Variants in MYO18A observed in about 807,000 individuals in gnomAD.
MYO18A encodes myosin XVIIIA.
In MYO18A, 78 loss-of-function variants were observed where a neutral mutation model predicts 235.8. The observed-to-expected ratio is 0.33, with a 90% CI of 0.28 to 0.40. MYO18A has a LOEUF of 0.40. Among genes scored for constraint, MYO18A ranks in the 10% least tolerant of loss-of-function variants. The pLI, the probability that MYO18A is intolerant of heterozygous loss-of-function variation, is 1.00. For synonymous variants in MYO18A, 977 were observed against 1,077.8 expected (o/e 0.91, Z 1.83); for missense variants, 2,215 against 2,699.3 (o/e 0.82, Z 3.98).
rs781512217 is a variant in MYO18A at position 29,115,865 on chromosome 17, G to A, written c.2051-25C>T. On this transcript the variant is annotated intron_variant, in intron 11 of 41. Coordinates refer to ENST00000527372, the MANE Select transcript of MYO18A (RefSeq NM_078471.4). ...GCTGTGGAGTGGAAAAAGGGATCTG[G>A]CATCCTGGGTCTTTTTCCTTAGGCC... 3.8e-6 allele frequency: 6 copies of A among 1,559,786 alleles called. No homozygotes were observed. The South Asian group carries it at 7.1e-5, about 18-fold the overall frequency.
In MYO18A at chr17:29,121,504, G is replaced by A; in HGVS notation, c.1371+43C>T. The A allele has an allele frequency of 6.5e-7, 1 of 1,542,982 alleles. No homozygotes were observed. Among genetic ancestry groups the A allele is most frequent in the Non-Finnish European group, 8.8e-7 (1 of 1,142,454 alleles). On this transcript the variant is annotated intron_variant, in intron 5 of 41. Coordinates refer to ENST00000527372, the MANE Select transcript of MYO18A (RefSeq NM_078471.4). This position sits in a 1 kb window ranked among gnomAD's most constrained non-coding sequence, Gnocchi z 4.2. ...GGAAGGGCAGAGAGCCAGGGCAGGG[G>A]GTGGGACCAGGAGTCTGCAGGGTAG...
chr17:29,098,288 G>A (rs1212098720), intron 24 of MYO18A, 64 bp from the exon 25 acceptor site: 10 of 1,612,056 alleles, frequency 6.2e-6, no homozygotes, highest in East Asian at 2.2e-5. Flanking sequence ...CAGAACACCT[G>A]GGGGACCTGC....
In MYO18A at chr17:29,096,838, C is replaced by T. The variant is rs763230059; in HGVS notation, c.4308G>A (p.Thr1436=). ...GCAGCTTGGTGTCTTGCAGCTCAGC[C>T]GTCAGTCGCTGGCACTTCTTCTTGA... is the stretch of plus-strand genomic sequence containing the variant. The part of the protein sequence containing the change: ...QQLKKKCQRL[T]AELQDTKLHL... Residue 1436 remains threonine, a synonymous_variant, in exon 28 of 42, where the codon ACG becomes ACA. Coordinates refer to ENST00000527372, the MANE Select transcript of MYO18A (RefSeq NM_078471.4). 12 of 1,595,674 alleles carry T rather than the reference C, an allele frequency of 7.5e-6. No individual in the cohort carries two copies. The South Asian group carries it at 9.1e-5, about 12-fold the overall frequency.
At position 29,116,498 on chromosome 17, in the gene MYO18A, G is replaced by C. The variant is rs114521065; in HGVS notation, c.2039-43C>G. Reference sequence around the variant, plus strand: ...AGCATGCAGCATGCAAAGAAAAACAGTGTGTTAGCAAACAGTCATCAATAG... The same window carrying C: ...AGCATGCAGCATGCAAAGAAAAACACTGTGTTAGCAAACAGTCATCAATAG... On this transcript the variant is annotated intron_variant, in intron 10 of 41. Transcript: ENST00000527372. 644 of 1,613,762 alleles carry C rather than the reference G, an allele frequency of 4.0e-4. 1 individual carries two copies. In the African/African-American group the frequency reaches 7.5e-3, roughly 19 times the overall value.
At chr17:29,090,772 A>G in intron 35 of MYO18A, 38 bp downstream of exon 35, 1 of 1,583,470 alleles carries the variant, frequency 6.3e-7, no homozygotes, top group South Asian at 1.1e-5. Flanking sequence ...AAGGATGGTG[A>G]CGGTGCAGAG....
In MYO18A at chr17:29,111,551, G is replaced by C; in HGVS notation, c.2773C>G (p.His925Asp). The stretch of plus-strand genomic sequence containing the variant: ...TGGCTGTGGCCCAGGAGAAAGTGGT[G>C]TGGTTTGCTGCTGTGCAGAAGGGGG... ...QSPLLHSSKP[H>D]HFLLGHSHGT... The change falls in exon 17 of 42, where the codon CAC becomes GAC. Residue 925 changes from histidine to aspartate, a missense_variant. Coordinates refer to ENST00000527372, the MANE Select transcript of MYO18A (RefSeq NM_078471.4). This position sits in a 1 kb window ranked among gnomAD's most constrained non-coding sequence, Gnocchi z 5.1. 1 of 1,613,878 alleles carries C rather than the reference G, an allele frequency of 6.2e-7. No homozygotes were observed. The highest frequency in any genetic ancestry group is 8.5e-7 in the Non-Finnish European group (1 of 1,179,860).
intron 11 of MYO18A, among the ~76,000 whole-genome samples, chr17:29,116,208 G>T (rs1042310361): frequency 6.6e-6 from 1 of 152,188 alleles, no homozygotes; most frequent in Admixed American, 6.5e-5. Flanking sequence ...GTGTGCCTGT[G>T]GGGGACTTAT....
At position 29,173,639 on chromosome 17, in the gene MYO18A, G is replaced by A. The variant is rs565497877; in HGVS notation, c.-81-6618C>T. The stretch of plus-strand genomic sequence containing the variant: ...CCTGACCTCGTGATCCGCCCGCCTC[G>A]GCTCCCAAAGTGCTGGGATTACAGG... On this transcript the variant is annotated intron_variant, in intron 1 of 41. Transcript: ENST00000527372. Among the ~76,000 whole-genome samples the A allele has an allele frequency of 7.8e-3, 1,181 of 152,078 alleles. 14 individuals carry two copies. The highest frequency in any genetic ancestry group is 0.026 in the African/African-American group (1,071 of 41,464).
chr17:29,077,932 G>C (rs889438035), intron 41 of MYO18A: 3 of 152,286 alleles, frequency 2.0e-5, no homozygotes, highest in Non-Finnish European at 4.4e-5. Flanking sequence ...AGGTCCATCA[G>C]CTGACTTCCT....
At chr17:29,084,407 C>T (rs901822715) in intron 40 of MYO18A, among the ~76,000 whole-genome samples, 14 of 152,182 alleles carry the variant, frequency 9.2e-5, no homozygotes, top group Admixed American at 4.6e-4. Flanking sequence ...TGCCTGCCCT[C>T]GCCTTCCCTT....
chr17:29,096,197 G>A (rs539117689), intron 28 of MYO18A, among the ~76,000 whole-genome samples: 5 of 152,268 alleles, frequency 3.3e-5, no homozygotes, highest in Admixed American at 6.5e-5. Flanking sequence ...CACTGTTCCC[G>A]CTCCCCAGGG....
At chr17:29,168,654 C>T (rs960563515) in intron 1 of MYO18A, among the ~76,000 whole-genome samples, 7 of 152,190 alleles carry the variant, frequency 4.6e-5, no homozygotes, top group African/African-American at 1.7e-4. Context: ...TCCTTCAACC[C>T]TGGTACAATG....
chr17:29,081,337 C>T (rs971797562), intron 41 of MYO18A, among the ~76,000 whole-genome samples: 2 of 152,214 alleles, frequency 1.3e-5, no homozygotes, highest in African/African-American at 2.4e-5. Context: ...CGTGCCATGC[C>T]GTGGTGAACC....
rs2067667040 is a variant in MYO18A at position 29,138,801 on chromosome 17, C to A, written c.1000-16548G>T. 3.9e-5 allele frequency among the ~76,000 whole-genome samples: 6 copies of A among 152,196 alleles called. 1 individual carries two copies. The South Asian group carries it at 1.2e-3, about 31-fold the overall frequency. On this transcript the variant is annotated intron_variant, in intron 2 of 41. Coordinates refer to ENST00000527372, the MANE Select transcript of MYO18A (RefSeq NM_078471.4). The stretch of plus-strand genomic sequence containing the variant: ...GGTCTCCTGCGAGAGCCCTCCACTG[C>A]TCACTTTAAGGGATGGAGGCACGCC...
chr17:29,113,981 G>A, intron 15 of MYO18A, 30 bp downstream of exon 15: 1 of 1,539,814 alleles, frequency 6.5e-7, no homozygotes, highest in East Asian at 2.4e-5. Flanking sequence ...GAGAGGAAAG[G>A]CTTGCCCAAA....
chr17:29,161,120 C>T (rs1285714621), intron 2 of MYO18A, among the ~76,000 whole-genome samples: 2 of 151,912 alleles, frequency 1.3e-5, no homozygotes, highest in African/African-American at 4.8e-5. Context: ...TTTGGGAGGC[C>T]GAGGCAGGTG....
Position 29,071,190 on chromosome 17 carries a change from G to T in MYO18A, c.*3580C>A, listed in dbSNP as rs1035681402. The T allele has an allele frequency of 6.6e-6, 1 of 152,272 alleles. No homozygotes were observed. The highest frequency in any genetic ancestry group is 6.5e-5 in the Admixed American group (1 of 15,286). 9.4% of individuals were successfully genotyped at this position (152,272 alleles called of 1,614,324 possible). A position where few individuals can be genotyped will look rare whatever the true frequency, so the allele number is the denominator to read the frequency against. On this transcript the variant is annotated 3_prime_UTR_variant, in exon 42 of 42. Coordinates refer to ENST00000527372, the MANE Select transcript of MYO18A (RefSeq NM_078471.4). ...GGGCACCATGGGGAGTCCCACAGGG[G>T]CACTGGTTCCCGCCCATGCTTATTC...
intron 1 of MYO18A, among the ~76,000 whole-genome samples, chr17:29,168,339 C>A (rs9904947): frequency 0.075 from 11,367 of 152,256 alleles, 563 homozygotes; most frequent in South Asian, 0.16. Flanking sequence ...ACCCAACCCC[C>A]TGCACATCTA....
intron 2 of MYO18A, among the ~76,000 whole-genome samples, chr17:29,146,168 G>GA (rs1260117228): frequency 1.3e-5 from 2 of 152,214 alleles, no homozygotes; most frequent in African/African-American, 2.4e-5. Context: ...TGAGGCAGGA[G>GA]AATCACTTGA....
Sources: gnomAD v4.1 joint callset for allele counts (sites outside exome capture counted in the v4.1 genomes callset) on GRCh38, gnomAD v4.1.1 for gene constraint, Gnocchi (gnomAD v3.1) non-coding constraint, MANE v1.5 for transcripts, NCBI Gene and HGNC (gene_info 2026-07-23, HGNC 2026-07-21) for gene names.